Variants in CDH13 observed in about 807,000 individuals in gnomAD.
CDH13 encodes cadherin-13.
In CDH13, 24 loss-of-function variants were observed where a neutral mutation model predicts 63.8. The observed-to-expected ratio is 0.38, with a 90% CI of 0.27 to 0.53. The LOEUF is 0.53. Ranked by LOEUF, CDH13 falls within the 20% of genes least tolerant of loss-of-function variation. CDH13 has a pLI of 0.85. For synonymous variants in CDH13, 503 were observed against 355.3 expected, an observed-to-expected ratio of 1.42 and a Z score of -4.67; for missense variants, 1,049 against 903.1, an observed-to-expected ratio of 1.16 and a Z score of -2.07.
chr16:83,690,307 G>A (rs2150889894), intron 10 of CDH13, among the ~76,000 whole-genome samples: 1 of 152,348 alleles, frequency 6.6e-6, no homozygotes, highest in African/African-American at 2.4e-5. Context: ...AAGCAGAGAA[G>A]GAAGGAGGGG....
At chr16:82,965,253 C>G (rs1323151637) in intron 2 of CDH13, among the ~76,000 whole-genome samples, 1 of 152,192 alleles carries the variant, frequency 6.6e-6, no homozygotes, top group African/African-American at 2.4e-5. Flanking sequence ...TCTTCCCTCC[C>G]CACACGATCT....
chr16:83,511,112 G>GCATGCA (rs1555564284), intron 7 of CDH13, among the ~76,000 whole-genome samples: 31 of 150,990 alleles, frequency 2.1e-4, no homozygotes, highest in Non-Finnish European at 4.5e-5. Flanking sequence ...ATGCACGCAT[G>GCATGCA]CACACACATG....
At chr16:83,017,202 C>G (rs774106407) in intron 2 of CDH13, among the ~76,000 whole-genome samples, 1 of 152,156 alleles carries the variant, frequency 6.6e-6, no homozygotes, top group African/African-American at 2.4e-5. Context: ...TTCCTTGACC[C>G]TCTTCAGAGC....
chr16:83,706,655 C>T (rs921908844), intron 10 of CDH13, among the ~76,000 whole-genome samples: 3 of 152,096 alleles, frequency 2.0e-5, no homozygotes, highest in Non-Finnish European at 2.9e-5. Flanking sequence ...CCATGGAAAC[C>T]AAACCTTATG....
At chr16:83,263,886 T>A (rs1364313) in intron 5 of CDH13, among the ~76,000 whole-genome samples, 76,647 of 150,848 alleles carry the variant, frequency 0.51, 19,722 homozygotes, top group East Asian at 0.69. Flanking sequence ...CTGAATTTTT[T>A]AAAAAAAATA....
chr16:82,916,087 C>T (rs1173045691), intron 2 of CDH13, among the ~76,000 whole-genome samples: 1 of 152,132 alleles, frequency 6.6e-6, no homozygotes, highest in Non-Finnish European at 1.5e-5. Context: ...TGCCTCCAGA[C>T]TACATTCCTT....
intron 1 of CDH13, among the ~76,000 whole-genome samples, chr16:82,799,086 A>T (rs2036726760): frequency 6.6e-6 from 1 of 152,080 alleles, no homozygotes; most frequent in Admixed American, 6.5e-5. Context: ...TCTGAGAATG[A>T]TAGATAAACA....
At chr16:83,625,865 G>C (rs1486136699) in intron 8 of CDH13, among the ~76,000 whole-genome samples, 2 of 152,184 alleles carry the variant, frequency 1.3e-5, no homozygotes, top group African/African-American at 4.8e-5. Context: ...CCACGCGGTA[G>C]CCAGAGACAA....
chr16:83,526,277 C>T (rs2074957281), intron 7 of CDH13, among the ~76,000 whole-genome samples: 1 of 152,106 alleles, frequency 6.6e-6, no homozygotes, highest in African/African-American at 2.4e-5. Flanking sequence ...AGTGCCAGCT[C>T]TCAAGCTGGG....
At chr16:82,746,371 C>A (rs1453466402) in intron 1 of CDH13, among the ~76,000 whole-genome samples, 1 of 151,752 alleles carries the variant, frequency 6.6e-6, no homozygotes, top group Non-Finnish European at 1.5e-5. Flanking sequence ...TCTTTAAAAT[C>A]TAGGCAAACC....
chr16:82,965,235 A>G (rs1208786264), intron 2 of CDH13, among the ~76,000 whole-genome samples: 1 of 152,026 alleles, frequency 6.6e-6, no homozygotes, highest in Admixed American at 6.5e-5. Flanking sequence ...TTTTACTAAT[A>G]CTTTGCTTCT....
chr16:83,399,988 A>G lies in CDH13; in HGVS notation c.781+54982A>G, dbSNP rs115197200. Among the ~76,000 whole-genome samples, 667 of 152,322 alleles carry G rather than the reference A, an allele frequency of 4.4e-3. 8 individuals are homozygous for G. Among genetic ancestry groups the G allele is most frequent in the African/African-American group, 0.016 (652 of 41,560 alleles). On this transcript the variant is annotated intron_variant, in intron 6 of 13. Coordinates refer to ENST00000567109, the MANE Select transcript of CDH13 (RefSeq NM_001257.5). ...CCTATGTGTTGCAAAAGTTAACATT[A>G]TTAATCCTCTAGAATTGTATGGTGC...
At chr16:82,693,576 A>G (rs182403234) in intron 1 of CDH13, among the ~76,000 whole-genome samples, 92 of 152,346 alleles carry the variant, frequency 6.0e-4, no homozygotes, top group African/African-American at 2.0e-3. Context: ...TAAACCCTGT[A>G]TAAGAACCTC....
chr16:83,016,007 G>A (rs1914758032), intron 2 of CDH13, among the ~76,000 whole-genome samples: 1 of 151,942 alleles, frequency 6.6e-6, no homozygotes, highest in Non-Finnish European at 1.5e-5. Context: ...CGCTATTGTT[G>A]TCGAGTGGAG....
intron 6 of CDH13, among the ~76,000 whole-genome samples, chr16:83,360,339 G>A (rs1361342158): frequency 6.6e-6 from 1 of 152,164 alleles, no homozygotes; most frequent in African/African-American, 2.4e-5. Context: ...AATTAAATGA[G>A]ATAATACACG....
Position 82,749,654 on chromosome 16 carries a change from A to C in CDH13, c.46-108708A>C, listed in dbSNP as rs186486954. Among the ~76,000 whole-genome samples, 734 of 152,252 alleles carry C rather than the reference A, an allele frequency of 4.8e-3. 12 individuals carry two copies. Among genetic ancestry groups the C allele is most frequent in the Non-Finnish European group, 3.6e-3 (244 of 68,024 alleles). ...TAGGTGTCCCTACTTCTGAGTTTCC[A>C]TTGCATTATGTATATATTTTCCTTG... On this transcript the variant is annotated intron_variant, in intron 1 of 13. Transcript: ENST00000567109.
chr16:83,438,303 A>T (rs2072378603), intron 6 of CDH13, among the ~76,000 whole-genome samples: 1 of 152,226 alleles, frequency 6.6e-6, no homozygotes, highest in Non-Finnish European at 1.5e-5. Context: ...GACATTTTGG[A>T]TCACAGGGTG....
rs1183987767 is a variant in CDH13 at position 83,384,928 on chromosome 16, A to G, written c.781+39922A>G. ...TAGGAAAGTATTTTGTACATAGTAT[A>G]TGCTCAGTAAGTATTTTAAGGCACC... On this transcript the variant is annotated intron_variant, in intron 6 of 13. Transcript: ENST00000567109. Among the ~76,000 whole-genome samples, 5 of 152,230 alleles carry G rather than the reference A, an allele frequency of 3.3e-5. No homozygotes were observed. The South Asian group carries it at 8.3e-4, about 25-fold the overall frequency.
chr16:83,707,261 A>G (rs1907216384), intron 10 of CDH13, among the ~76,000 whole-genome samples: 2 of 152,182 alleles, frequency 1.3e-5, no homozygotes, highest in Admixed American at 6.5e-5. Flanking sequence ...CAAATACTGC[A>G]TGGTCCGTAA....
Sources: allele counts gnomAD v4.1 joint callset (sites outside exome capture counted in the v4.1 genomes callset), GRCh38; gene constraint gnomAD v4.1.1; transcripts MANE v1.5; gene names NCBI Gene and HGNC (gene_info 2026-07-23, HGNC 2026-07-21).